Variants in STMND1 observed in about 807,000 individuals in gnomAD.
STMND1 encodes stathmin domain containing 1, also known as stathmin domain-containing protein 1.
In STMND1, 17 loss-of-function variants were observed where a neutral mutation model predicts 23.0. That is an observed-to-expected ratio of 0.74 (90% CI 0.51 to 1.11). STMND1 has a LOEUF of 1.11. Among genes scored for constraint, STMND1 ranks in the 50% least tolerant of loss-of-function variants. The probability of loss-of-function intolerance (pLI) is 0.00; values close to 1 mark genes in which losing one functional copy is unlikely to be tolerated. For missense variants in STMND1, 305 were observed against 329.1 expected, an observed-to-expected ratio of 0.93 and a Z score of 0.57; for synonymous variants, 114 against 119.9, an observed-to-expected ratio of 0.95 and a Z score of 0.32.
intron 1 of STMND1, among the ~76,000 whole-genome samples, chr6:17,105,211 C>A (rs1478030529): frequency 6.6e-6 from 1 of 152,198 alleles, no homozygotes; most frequent in Non-Finnish European, 1.5e-5. Flanking sequence ...TGGAACCAAT[C>A]CCCCACTAAT....
At chr6:17,117,659 G>A (rs1212986382) in intron 2 of STMND1, among the ~76,000 whole-genome samples, 3 of 145,090 alleles carry the variant, frequency 2.1e-5, no homozygotes, top group African/African-American at 5.0e-5. Flanking sequence ...GATTGGATTT[G>A]GGTTACGCTT....
Position 17,129,542 on chromosome 6 carries a change from A to T in STMND1, c.543+299A>T, listed in dbSNP as rs1014272567. On this transcript the variant is annotated intron_variant, in intron 4 of 4. Transcript: ENST00000536551. ...CCATACCACTACATGAGGCTGATTT[A>T]AAAAAAAAAAAAAAATTGTTGGCCA... Among the ~76,000 whole-genome samples the T allele has an allele frequency of 3.9e-3, 501 of 129,530 alleles. 3 individuals are homozygous for T. The highest frequency in any genetic ancestry group is 0.014 in the African/African-American group (480 of 34,898). The allele number at this position is 129,530 out of a possible 152,430, so 85.0% of individuals were successfully genotyped here.
chr6:17,102,359 CAA>C, intron 1 of STMND1, 21 bp downstream of exon 1: 1 of 1,535,258 alleles, frequency 6.5e-7, no homozygotes, highest in Non-Finnish European at 8.7e-7. Context: ...AACAAACAAA[CAA>C]ACAAACAAAC....
intron 2 of STMND1, among the ~76,000 whole-genome samples, chr6:17,120,091 C>G (rs1169440979): frequency 6.6e-6 from 1 of 152,146 alleles, no homozygotes. Flanking sequence ...AGACTCTTTT[C>G]AAAAAGGCGT....
At chr6:17,120,815 T>A in intron 3 of STMND1, 57 bp downstream of exon 3, 3 of 1,338,388 alleles carry the variant, frequency 2.2e-6, no homozygotes, top group Non-Finnish European at 3.0e-6. Flanking sequence ...TAGAATATGA[T>A]TGATCATGAG....
At chr6:17,127,635 C>T (rs1364896851) in intron 3 of STMND1, among the ~76,000 whole-genome samples, 3 of 152,146 alleles carry the variant, frequency 2.0e-5, no homozygotes, top group Non-Finnish European at 4.4e-5. Context: ...CGTCTGGTGC[C>T]TTGTTTTACT....
intron 1 of STMND1, among the ~76,000 whole-genome samples, chr6:17,109,408 G>A (rs1040283919): frequency 9.2e-5 from 14 of 152,190 alleles, no homozygotes; most frequent in Admixed American, 2.6e-4. Context: ...AAACCTGATC[G>A]TGACAGACAC....
At chr6:17,115,950 C>T (rs545702968) in intron 2 of STMND1, among the ~76,000 whole-genome samples, 3 of 152,192 alleles carry the variant, frequency 2.0e-5, no homozygotes, top group Admixed American at 2.0e-4. Context: ...CTGTAGTCAG[C>T]GTGACCTCAG....
intron 2 of STMND1, among the ~76,000 whole-genome samples, chr6:17,115,618 T>C (rs1761149488): frequency 1.3e-5 from 2 of 152,336 alleles, no homozygotes; most frequent in South Asian, 2.1e-4. Flanking sequence ...AAGAGGTAGT[T>C]ATGATTTACT....
In STMND1 at chr6:17,103,566, CTT is replaced by C. The variant is rs68161737; in HGVS notation, c.81+1250_81+1251del. On this transcript the variant is annotated intron_variant, in intron 1 of 4. Transcript: ENST00000536551. Reference sequence around the variant, plus strand: ...CTGTCTCTGTATAGGGACCCATTACCTTTTTTTTTTTTTTTTTTTTTTTGAGA... The same window carrying C: ...CTGTCTCTGTATAGGGACCCATTACCTTTTTTTTTTTTTTTTTTTTTGAGA... Among the ~76,000 whole-genome samples, 148 of 82,102 alleles carry C rather than the reference CTT, an allele frequency of 1.8e-3. 1 individual carries two copies. The highest frequency in any genetic ancestry group is 0.026 in the Middle Eastern group (2 of 78). The allele number at this position is 82,102 out of a possible 152,430, so 53.9% of individuals were successfully genotyped here.
At chr6:17,103,859 C>G (rs758658862) in intron 1 of STMND1, among the ~76,000 whole-genome samples, 1 of 151,948 alleles carries the variant, frequency 6.6e-6, no homozygotes, top group Non-Finnish European at 1.5e-5. Flanking sequence ...TGTAACTCAC[C>G]GCACCCTGCT....
intron 1 of STMND1, among the ~76,000 whole-genome samples, chr6:17,105,753 C>T (rs1761015398): frequency 1.3e-5 from 2 of 150,178 alleles, no homozygotes; most frequent in South Asian, 2.1e-4. Context: ...GGGGAAACCC[C>T]GTCTCTACTA....
chr6:17,115,001 C>T lies in STMND1; in HGVS notation c.121C>T (p.Pro41Ser), dbSNP rs930474074. The T allele has an allele frequency of 3.9e-6, 6 of 1,533,046 alleles. No individual in the cohort carries two copies. In the Admixed American group the frequency reaches 5.9e-5, roughly 15 times the overall value. The allele number at this position is 1,533,046 out of a possible 1,614,324, so 95.0% of individuals were successfully genotyped here. A position where few individuals can be genotyped will look rare whatever the true frequency, so the allele number is the denominator to read the frequency against. The change falls in exon 2 of 5, where the codon CCC becomes TCC. Residue 41 changes from proline to serine, a missense_variant. By Grantham distance (74) the Pro-to-Ser change is moderately conservative. Coordinates refer to ENST00000536551, the MANE Select transcript of STMND1 (RefSeq NM_001190766.2). The part of the protein sequence containing the change: ...SVPHTGENCS[P>S]RMEAALTKNT... Reference sequence around the variant, plus strand: ...GCCTCATACTGGGGAAAATTGCAGCCCCCGGATGGAAGCTGCTCTGACCAA... The same window carrying T: ...GCCTCATACTGGGGAAAATTGCAGCTCCCGGATGGAAGCTGCTCTGACCAA...
In STMND1 at chr6:17,129,619, C is replaced by T. The variant is rs1211398753; in HGVS notation, c.543+376C>T. Among the ~76,000 whole-genome samples, 3 of 151,770 alleles carry T rather than the reference C, an allele frequency of 2.0e-5. No individual in the cohort carries two copies. In the East Asian group the frequency reaches 5.8e-4, roughly 30 times the overall value. On this transcript the variant is annotated intron_variant, in intron 4 of 4. Coordinates refer to ENST00000536551, the MANE Select transcript of STMND1 (RefSeq NM_001190766.2). ...CAGCACTTTGGGAGGCCGAGGCAGGCGGATCACGAGGTCAGGAGATTGAGA... is the reference window on the plus strand; with the variant it reads ...CAGCACTTTGGGAGGCCGAGGCAGGTGGATCACGAGGTCAGGAGATTGAGA...
chr6:17,116,780 C>T (rs1219979928), intron 2 of STMND1, among the ~76,000 whole-genome samples: 1 of 152,098 alleles, frequency 6.6e-6, no homozygotes, highest in Admixed American at 6.6e-5. Context: ...ACTAACATTC[C>T]CCAAGTGTTT....
intron 1 of STMND1, chr6:17,110,540 TG>T (rs1414037375): frequency 1.5e-5 from 4 of 267,620 alleles, no homozygotes; most frequent in Non-Finnish European, 3.0e-5. Context: ...GAGGCCGAGG[TG>T]GGCAGATCAC....
chr6:17,129,083 T>A, intron 3 of STMND1, 29 bp from the exon 4 acceptor site: 1 of 1,532,200 alleles, frequency 6.5e-7, no homozygotes, highest in Non-Finnish European at 8.7e-7. Flanking sequence ...TATGATTGTT[T>A]CTTCATGTAA....
intron 4 of STMND1, 31 bp from the exon 5 acceptor site, chr6:17,130,563 C>T (rs1427154248): frequency 6.9e-7 from 1 of 1,447,678 alleles, no homozygotes; most frequent in African/African-American, 1.4e-5. Flanking sequence ...GTTATTCACG[C>T]TCTTTTTCAT....
At chr6:17,103,189 C>T (rs992377121) in intron 1 of STMND1, among the ~76,000 whole-genome samples, 2 of 152,170 alleles carry the variant, frequency 1.3e-5, no homozygotes, top group Non-Finnish European at 2.9e-5. Context: ...CAAAATTATG[C>T]TTTTAAGAGT....
Sources: gnomAD v4.1 joint callset for allele counts (sites outside exome capture counted in the v4.1 genomes callset) on GRCh38, gnomAD v4.1.1 for gene constraint, MANE v1.5 for transcripts, NCBI Gene and HGNC (gene_info 2026-07-23, HGNC 2026-07-21) for gene names.